The following RBFOX1 variants were observed in gnomAD, a reference collection of about 807,000 sequenced individuals.
The protein encoded by RBFOX1 is RNA binding fox-1 homolog 1.
A neutral mutation model predicts 57.7 loss-of-function variants in RBFOX1; 8 were observed. The observed-to-expected ratio is 0.14, with a 90% CI of 0.08 to 0.25. RBFOX1 has a LOEUF of 0.25. Among genes scored for constraint, RBFOX1 ranks in the 10% least tolerant of loss-of-function variants. The pLI, the probability that RBFOX1 is intolerant of heterozygous loss-of-function variation, is 1.00. For synonymous variants in RBFOX1, 326 were observed against 222.4 expected (o/e 1.47, Z -4.15); for missense variants, 611 against 548.5 (o/e 1.11, Z -1.14).
chr16:5,328,748 C>G (rs538146712), intron 1 of RBFOX1, among the ~76,000 whole-genome samples: 1 of 152,290 alleles, frequency 6.6e-6, no homozygotes, highest in Non-Finnish European at 1.5e-5. Context: ...GCTGATTGGC[C>G]CAAAAGTGGC....
At chr16:6,497,503 G>A (rs2095802831) in intron 2 of RBFOX1, among the ~76,000 whole-genome samples, 2 of 151,826 alleles carry the variant, frequency 1.3e-5, no homozygotes, top group Non-Finnish European at 2.9e-5. Flanking sequence ...CCGCAATGGA[G>A]CAAGGACATG....
intron 5 of RBFOX1, 59 bp downstream of exon 5, chr16:7,518,448 A>T: frequency 6.5e-7 from 1 of 1,545,776 alleles, no homozygotes; most frequent in South Asian, 1.2e-5. Flanking sequence ...CAGCCCTGGT[A>T]ATGGCAGCGG....
intron 3 of RBFOX1, among the ~76,000 whole-genome samples, chr16:5,627,961 C>T (rs908430644): frequency 5.9e-5 from 9 of 152,082 alleles, no homozygotes. Context: ...GAGAAGAGGC[C>T]AAAGCAGCAT....
intron 4 of RBFOX1, among the ~76,000 whole-genome samples, chr16:7,128,973 A>C (rs1194428338): frequency 6.6e-6 from 1 of 151,770 alleles, no homozygotes; most frequent in Non-Finnish European, 1.5e-5. Flanking sequence ...GGTGCATGAC[A>C]CCACGCCCAG....
chr16:6,945,395 T>C (rs1349341017), intron 3 of RBFOX1, among the ~76,000 whole-genome samples: 1 of 150,834 alleles, frequency 6.6e-6, no homozygotes, highest in African/African-American at 2.4e-5. Context: ...CCTGTGCCAT[T>C]TCTAGATGGC....
At chr16:6,132,227 T>G (rs2096634795) in intron 1 of RBFOX1, among the ~76,000 whole-genome samples, 1 of 152,170 alleles carries the variant, frequency 6.6e-6, no homozygotes, top group South Asian at 2.1e-4. Context: ...GCAACAGCAA[T>G]GCTCAGCAAG....
At chr16:5,255,354 C>CCATCCATCCATCCATCCCTCCCTCCA in intron 1 of RBFOX1, among the ~76,000 whole-genome samples, 1 of 86,256 alleles carries the variant, frequency 1.2e-5, no homozygotes, top group Non-Finnish European at 2.8e-5. Context: ...CCATCCATCC[C>CCATCCATCCATCCATCCCTCCCTCCA]TCCATCCATC....
chr16:6,669,044 A>G (rs2098748943), intron 3 of RBFOX1, among the ~76,000 whole-genome samples: 1 of 152,132 alleles, frequency 6.6e-6, no homozygotes, highest in Non-Finnish European at 1.5e-5. Flanking sequence ...TGATTGGGTG[A>G]CTTCACACTT....
At chr16:6,227,629 G>A (rs1048564757) in intron 1 of RBFOX1, among the ~76,000 whole-genome samples, 8 of 152,150 alleles carry the variant, frequency 5.3e-5, no homozygotes, top group African/African-American at 1.4e-4. Context: ...TGGTCAGAAA[G>A]TAGGGCAGCC....
Position 6,229,691 on chromosome 16 carries a change from C to T in RBFOX1, c.-126-87304C>T, listed in dbSNP as rs141569888. On this transcript the variant is annotated intron_variant, in intron 1 of 15. Coordinates refer to ENST00000550418, the MANE Select transcript of RBFOX1 (RefSeq NM_018723.4). Reference sequence around the variant, plus strand: ...GCCAAATGTAAATATTGGTTTCCTTCCAGATTTTCAAGGCTTAAAAAAAAA... The same window carrying T: ...GCCAAATGTAAATATTGGTTTCCTTTCAGATTTTCAAGGCTTAAAAAAAAA... Among the ~76,000 whole-genome samples, 1,027 of 149,732 alleles carry T rather than the reference C, an allele frequency of 6.9e-3. 10 individuals carry two copies. The highest frequency in any genetic ancestry group is 0.012 in the Non-Finnish European group (803 of 67,486).
intron 1 of RBFOX1, among the ~76,000 whole-genome samples, chr16:5,410,312 C>T (rs1450873432): frequency 6.6e-6 from 1 of 151,136 alleles, no homozygotes; most frequent in Non-Finnish European, 1.5e-5. Context: ...GTTGAGGCTG[C>T]AATGAGCTGT....
intron 4 of RBFOX1, among the ~76,000 whole-genome samples, chr16:7,287,434 T>A (rs2095671852): frequency 1.3e-5 from 2 of 152,066 alleles, no homozygotes; most frequent in Admixed American, 6.6e-5. Flanking sequence ...ACCATCAAAC[T>A]TGCTCTAAAG....
chr16:6,022,050 C>T (rs1411670393), intron 1 of RBFOX1, among the ~76,000 whole-genome samples: 1 of 152,110 alleles, frequency 6.6e-6, no homozygotes, highest in Admixed American at 6.5e-5. Flanking sequence ...TCAAGCTCTC[C>T]CATTCTGCTC....
At chr16:7,230,612 A>G in intron 4 of RBFOX1, among the ~76,000 whole-genome samples, 1 of 152,178 alleles carries the variant, frequency 6.6e-6, no homozygotes, top group South Asian at 2.1e-4. Context: ...GGCATTGGGC[A>G]CTACCACTAG....
intron 3 of RBFOX1, among the ~76,000 whole-genome samples, chr16:6,834,002 A>G (rs2037738186): frequency 6.6e-6 from 1 of 152,122 alleles, no homozygotes; most frequent in Non-Finnish European, 1.5e-5. Flanking sequence ...GGTTGTGAGT[A>G]CACTGGGAAG....
intron 3 of RBFOX1, among the ~76,000 whole-genome samples, chr16:6,689,540 C>T (rs1057275935): frequency 6.6e-6 from 1 of 152,112 alleles, no homozygotes; most frequent in East Asian, 1.9e-4. Context: ...GATGTTTACA[C>T]AGGACTTATC....
chr16:6,196,387 A>C (rs1336558089), intron 1 of RBFOX1, among the ~76,000 whole-genome samples: 2 of 152,226 alleles, frequency 1.3e-5, no homozygotes, highest in African/African-American at 4.8e-5. Flanking sequence ...TGACAGGATA[A>C]CATTATCTTT....
intron 2 of RBFOX1, among the ~76,000 whole-genome samples, chr16:6,491,598 A>G (rs951886176): frequency 9.2e-5 from 14 of 152,168 alleles, no homozygotes; most frequent in Admixed American, 2.0e-4. Flanking sequence ...GATAGTGTCT[A>G]TTGAGTGCCT....
At chr16:6,829,076 A>G (rs992095620) in intron 3 of RBFOX1, among the ~76,000 whole-genome samples, 2 of 152,158 alleles carry the variant, frequency 1.3e-5, no homozygotes, top group East Asian at 3.9e-4. Context: ...TCAGGGTCCC[A>G]CCAGCATTTG....
Sources: allele counts gnomAD v4.1 joint callset (sites outside exome capture counted in the v4.1 genomes callset), GRCh38; gene constraint gnomAD v4.1.1; transcripts MANE v1.5; gene names NCBI Gene and HGNC (gene_info 2026-07-23, HGNC 2026-07-21).